Variants in METTL14 observed in about 807,000 individuals in gnomAD.
The protein encoded by METTL14 is methyltransferase 14, N6-adenosine-methyltransferase non-catalytic subunit, also known as N(6)-adenosine-methyltransferase non-catalytic subunit METTL14.
METTL14 carries 32 observed loss-of-function variants against 62.4 expected under a neutral mutation model. That is an observed-to-expected ratio of 0.51 (90% CI 0.39 to 0.69). METTL14 has a LOEUF of 0.69. Ranked by LOEUF, METTL14 falls within the 30% of genes least tolerant of loss-of-function variation. METTL14 has a pLI of 0.00. For synonymous variants in METTL14, 150 were observed against 180.0 expected, an observed-to-expected ratio of 0.83 and a Z score of 1.34; for missense variants, 340 against 551.9, an observed-to-expected ratio of 0.62 and a Z score of 3.85.
At chr4:118,697,019 G>A (rs1724432652) in intron 6 of METTL14, among the ~76,000 whole-genome samples, 163 bp from the exon 7 acceptor site, 1 of 152,112 alleles carries the variant, frequency 6.6e-6, no homozygotes, top group African/African-American at 2.4e-5. Flanking sequence ...CAATAAAAAG[G>A]CCTTTAGTAA....
intron 3 of METTL14, among the ~76,000 whole-genome samples, chr4:118,690,758 T>G (rs1405503090): frequency 1.3e-5 from 2 of 152,024 alleles, no homozygotes; most frequent in African/African-American, 4.8e-5. Flanking sequence ...TTGGATCAGA[T>G]TTTGAGAAGC....
chr4:118,691,467 A>G, intron 3 of METTL14, 65 bp from the exon 4 acceptor site: 1 of 805,198 alleles, frequency 1.2e-6, no homozygotes. Flanking sequence ...TTGAGTTTTA[A>G]TCAGGATGTG....
chr4:118,710,415 T>G lies in METTL14; in HGVS notation c.*113T>G. 9.6e-7 allele frequency: 1 copy of G among 1,042,694 alleles called. No individual in the cohort carries two copies. The highest frequency in any genetic ancestry group is 1.4e-6 in the Non-Finnish European group (1 of 730,976). 64.6% of individuals were successfully genotyped at this position (1,042,694 alleles called of 1,614,324 possible). ...CTTCCAGCTTGCACTTTGCTTTAAT[T>G]TCTCTGAGCTGCAAGAATGTCTTAG... is the stretch of plus-strand genomic sequence containing the variant. On this transcript the variant is annotated 3_prime_UTR_variant, in exon 11 of 11. Coordinates refer to ENST00000388822, the MANE Select transcript of METTL14 (RefSeq NM_020961.4).
intron 6 of METTL14, 29 bp from the exon 7 acceptor site, chr4:118,697,153 A>G: frequency 6.5e-7 from 1 of 1,543,398 alleles, no homozygotes; most frequent in South Asian, 1.2e-5. Context: ...TTTTTTAAAA[A>G]CCTCATTTTT....
Position 118,696,466 on chromosome 4 carries a change from A to G in METTL14, c.504-716A>G, listed in dbSNP as rs867587947. Among the ~76,000 whole-genome samples the G allele has an allele frequency of 1.5e-3, 224 of 152,216 alleles. 4 individuals are homozygous for G. The highest frequency in any genetic ancestry group is 5.3e-4 in the Non-Finnish European group (36 of 68,016). On this transcript the variant is annotated intron_variant, in intron 6 of 10. Transcript: ENST00000388822. ...AAGATCACTTGAGCCCAGGAGTTTG[A>G]GATTGTAGTACTGTATAATCAGGCC...
chr4:118,696,932 A>G (rs1434510558), intron 6 of METTL14, among the ~76,000 whole-genome samples: 1 of 152,166 alleles, frequency 6.6e-6, no homozygotes. Context: ...GACTTTTACT[A>G]TGTAGTTTAA....
At chr4:118,690,872 AG>A (rs1351066290) in intron 3 of METTL14, among the ~76,000 whole-genome samples, 4 of 152,280 alleles carry the variant, frequency 2.6e-5, no homozygotes, top group Admixed American at 2.0e-4. Flanking sequence ...TTTCTGAAAG[AG>A]GCTCAAGAAA....
chr4:118,695,108 G>A lies in METTL14; in HGVS notation c.503+582G>A, dbSNP rs184584049. 9.9e-5 allele frequency among the ~76,000 whole-genome samples: 15 copies of A among 152,182 alleles called. No individual in the cohort carries two copies. In the East Asian group the frequency reaches 2.1e-3, roughly 22 times the overall value. On this transcript the variant is annotated intron_variant, in intron 6 of 10. Transcript: ENST00000388822. ...CAACCTCAAAATGCTGGGATTACAGGCATGAGCCAGCGTACTGAGCCCTAT... is the reference window on the plus strand; with the variant it reads ...CAACCTCAAAATGCTGGGATTACAGACATGAGCCAGCGTACTGAGCCCTAT...
intron 5 of METTL14, among the ~76,000 whole-genome samples, chr4:118,692,382 C>A (rs1228020923): frequency 6.6e-6 from 1 of 151,974 alleles, no homozygotes; most frequent in African/African-American, 2.4e-5. Flanking sequence ...GCACCCCCCA[C>A]CGTGCCTAGA....
At chr4:118,707,700 G>A (rs1044265498) in intron 10 of METTL14, among the ~76,000 whole-genome samples, 27 of 148,850 alleles carry the variant, frequency 1.8e-4, no homozygotes, top group Non-Finnish European at 3.1e-4. Flanking sequence ...AGTTTATTAA[G>A]TTGCTCCTCA....
At chr4:118,691,398 A>G (rs936207585) in intron 3 of METTL14, 134 bp from the exon 4 acceptor site, 20 of 559,542 alleles carry the variant, frequency 3.6e-5, no homozygotes, top group Non-Finnish European at 6.1e-5. Context: ...CAAAGACTTC[A>G]ATGTTTGATT....
intron 7 of METTL14, among the ~76,000 whole-genome samples, chr4:118,698,487 AAGG>A (rs148449161): frequency 0.031 from 4,670 of 151,440 alleles, 110 homozygotes; most frequent in Non-Finnish European, 0.048. Flanking sequence ...ATTTTGGAAA[AAGG>A]AGAGCAATTA....
At chr4:118,707,838 A>ATT (rs752501219) in intron 10 of METTL14, among the ~76,000 whole-genome samples, 4 of 141,844 alleles carry the variant, frequency 2.8e-5, no homozygotes, top group African/African-American at 2.6e-5. Context: ...AAGCCAGACA[A>ATT]TTTTTTTTTT....
Position 118,700,595 on chromosome 4 carries a change from A to G in METTL14, c.691A>G (p.Ile231Val), listed in dbSNP as rs202013242. Residue 231 changes from isoleucine (I) to valine (V), a missense_variant, in exon 8 of 11, where the codon ATT (isoleucine) becomes GTT (valine). Around this residue, in one of 7 missense-constraint regions of METTL14, gnomAD observed 58 missense variants for 147.5 expected, o/e 0.39. Transcript: ENST00000388822. ...TGAGATTGCAGCACCTCGATCATTT[A>G]TTTTTCTCTGGTGTGGTTCTGGGGA... The part of the protein sequence containing the change: ...IDEIAAPRSF[I>V]FLWCGSGEGL... 119 of 1,613,036 alleles carry G rather than the reference A, an allele frequency of 7.4e-5. 1 individual carries two copies. In the African/African-American group the frequency reaches 9.5e-4, roughly 13 times the overall value.
intron 6 of METTL14, among the ~76,000 whole-genome samples, chr4:118,695,248 T>C (rs1390100976): frequency 6.6e-6 from 1 of 152,120 alleles, no homozygotes; most frequent in African/African-American, 2.4e-5. Flanking sequence ...AAATATTTTT[T>C]CTTCTTAAAA....
chr4:118,700,516 T>G (rs570117372), intron 7 of METTL14, 34 bp from the exon 8 acceptor site: 63 of 1,529,114 alleles, frequency 4.1e-5, no homozygotes, highest in Non-Finnish European at 5.1e-5. Context: ...GGAAACAAAA[T>G]ACTTTTATGC....
At chr4:118,699,452 GAGA>G (rs1234463125) in intron 7 of METTL14, among the ~76,000 whole-genome samples, 90 of 152,168 alleles carry the variant, frequency 5.9e-4, no homozygotes. Flanking sequence ...ATTTCTTGCA[GAGA>G]AGTTTTCCAG....
At chr4:118,707,098 T>A (rs1032071414) in intron 10 of METTL14, among the ~76,000 whole-genome samples, 1 of 152,228 alleles carries the variant, frequency 6.6e-6, no homozygotes, top group Non-Finnish European at 1.5e-5. Flanking sequence ...TTCTTTCTAG[T>A]TTCTTTGGAT....
Position 118,685,414 on chromosome 4 carries a change from TG to T in METTL14, c.-120del. 1.0e-6 allele frequency: 1 copy of T among 1,002,326 alleles called. No individual in the cohort carries two copies. Among genetic ancestry groups the T allele is most frequent in the Non-Finnish European group, 1.6e-6 (1 of 638,212 alleles). The allele number at this position is 1,002,326 out of a possible 1,614,324, so 62.1% of individuals were successfully genotyped here. Reference sequence around the variant, plus strand: ...CGGAAGTCTCTACTGAGGAAAGCTATGAGGATACTCTGTTCGTAAGCTCCCG... The same window carrying T: ...CGGAAGTCTCTACTGAGGAAAGCTATAGGATACTCTGTTCGTAAGCTCCCG... On this transcript the variant is annotated 5_prime_UTR_variant, in exon 1 of 11. It removes an upstream start codon present in the reference 5' UTR. Transcript: ENST00000388822.
Sources: allele counts gnomAD v4.1 joint callset (sites outside exome capture counted in the v4.1 genomes callset), GRCh38; gene constraint gnomAD v4.1.1; regional missense constraint gnomAD v4.1.1; transcripts MANE v1.5; gene names NCBI Gene and HGNC (gene_info 2026-07-23, HGNC 2026-07-21).